WDR75: variants seen among roughly 807,000 people sequenced by gnomAD.
WDR75 encodes WD repeat-containing protein 75.
WDR75 carries 52 observed loss-of-function variants against 106.1 expected under a neutral mutation model. That is an observed-to-expected ratio of 0.49 (90% CI 0.39 to 0.62). The LOEUF (loss-of-function observed/expected upper bound fraction) is 0.62, where lower values mean the gene tolerates loss of function less well. Among genes scored for constraint, WDR75 ranks in the 20% least tolerant of loss-of-function variants. The probability of loss-of-function intolerance (pLI) is 0.00; values close to 1 mark genes in which losing one functional copy is unlikely to be tolerated. For missense variants in WDR75, 905 were observed against 970.3 expected, an observed-to-expected ratio of 0.93 and a Z score of 0.89; for synonymous variants, 333 against 335.5, an observed-to-expected ratio of 0.99 and a Z score of 0.08.
chr2:189,466,507 C>G lies in WDR75; in HGVS notation c.1372C>G (p.Gln458Glu). The change falls in exon 13 of 21, where the codon CAG (glutamine) becomes GAG (glutamate). Residue 458 changes from glutamine to glutamate, a missense_variant. Transcript: ENST00000314761. Reference protein sequence around the residue: ...LCFCNAEKSEQPTLVTASKDG... With the variant: ...LCFCNAEKSEEPTLVTASKDG... ...TTTCTGTAATGCAGAAAAATCTGAA[C>G]AGCCCACCTTGGTTACAGCTAGCAA... is the stretch of plus-strand genomic sequence containing the variant. 1 of 1,613,366 alleles carries G rather than the reference C, an allele frequency of 6.2e-7. No individual in the cohort carries two copies. The highest frequency in any genetic ancestry group is 1.1e-5 in the South Asian group (1 of 91,058).
chr2:189,449,357 C>A, intron 2 of WDR75: 3 of 1,294,030 alleles, frequency 2.3e-6, no homozygotes, highest in Non-Finnish European at 3.0e-6. Context: ...AAATGAGCTA[C>A]TTCTAAAAAT....
At position 189,451,852 on chromosome 2, in the gene WDR75, A is replaced by G. The variant is rs577871160; in HGVS notation, c.330A>G (p.Gln110=). The part of the protein sequence containing the change: ...CKLHALFTLA[Q]AEDSVFVIVN... ...TTCATGCCCTCTTTACTCTTGCCCAAGCTGAGGATTCTGTCTTTGTTATAG... is the reference window on the plus strand; with the variant it reads ...TTCATGCCCTCTTTACTCTTGCCCAGGCTGAGGATTCTGTCTTTGTTATAG... Residue 110 remains glutamine, a synonymous_variant, in exon 4 of 21, where the codon CAA becomes CAG. Transcript: ENST00000314761. 2.5e-6 allele frequency: 4 copies of G among 1,613,704 alleles called. No homozygotes were observed. Among genetic ancestry groups the G allele is most frequent in the African/African-American group, 2.7e-5 (2 of 74,922 alleles).
chr2:189,442,736 T>A (rs1686408954), intron 1 of WDR75, among the ~76,000 whole-genome samples: 1 of 152,142 alleles, frequency 6.6e-6, no homozygotes, highest in African/African-American at 2.4e-5. Flanking sequence ...AGTGAGCAAC[T>A]GTGCCCGGCC....
chr2:189,472,401 A>G (rs1329619203), intron 18 of WDR75, among the ~76,000 whole-genome samples: 1 of 152,088 alleles, frequency 6.6e-6, no homozygotes. Flanking sequence ...GGAGCTAATT[A>G]CTTCTTTCTC....
In WDR75 at chr2:189,448,517, C is replaced by A; in HGVS notation, c.216+9C>A. On this transcript the variant is annotated intron_variant, in intron 2 of 20. Transcript: ENST00000314761. Reference sequence around the variant, plus strand: ...CCAACAACCATCTACAGGTGTCAAACAGTTTATAGCTGAATACTTTAAGAC... The same window carrying A: ...CCAACAACCATCTACAGGTGTCAAAAAGTTTATAGCTGAATACTTTAAGAC... The A allele has an allele frequency of 6.2e-7, 1 of 1,611,736 alleles. No homozygotes were observed. Among genetic ancestry groups the A allele is most frequent in the Non-Finnish European group, 8.5e-7 (1 of 1,179,252 alleles).
At chr2:189,468,648 G>T in intron 15 of WDR75, 79 bp downstream of exon 15, 1 of 1,412,346 alleles carries the variant, frequency 7.1e-7, no homozygotes, top group Non-Finnish European at 1.0e-6. Context: ...TTAGGACTTA[G>T]GGATCATATC....
chr2:189,442,404 G>A (rs970966969), intron 1 of WDR75, among the ~76,000 whole-genome samples: 4 of 140,326 alleles, frequency 2.9e-5, no homozygotes, highest in African/African-American at 7.7e-5. Flanking sequence ...GAAGAGTAGA[G>A]ATAGTATTTT....
chr2:189,469,196 T>G, intron 15 of WDR75, 148 bp from the exon 16 acceptor site: 2 of 678,716 alleles, frequency 2.9e-6, no homozygotes, highest in East Asian at 2.7e-5. Flanking sequence ...CCTCTCACTT[T>G]AGTGCAGCAT....
At chr2:189,451,086 A>C (rs1686613625) in intron 3 of WDR75, 118 bp downstream of exon 3, 4 of 1,261,706 alleles carry the variant, frequency 3.2e-6, no homozygotes, top group Non-Finnish European at 4.1e-6. Context: ...AACAAGTTAC[A>C]AAATAACATC....
Position 189,474,703 on chromosome 2 carries a change from C to T in WDR75, c.2197-14C>T. 5.6e-6 allele frequency: 9 copies of T among 1,611,428 alleles called. No individual in the cohort carries two copies. The highest frequency in any genetic ancestry group is 7.6e-6 in the Non-Finnish European group (9 of 1,177,754). On this transcript the variant is annotated splice_polypyrimidine_tract_variant and intron_variant, in intron 19 of 20. Coordinates refer to ENST00000314761, the MANE Select transcript of WDR75 (RefSeq NM_032168.3). ...AGCTTTTTAATTGCAACCGTGTTTT[C>T]TGTTTGACTCCAGCTTCTTCACACT...
intron 18 of WDR75, 112 bp from the exon 19 acceptor site, chr2:189,474,074 G>A: frequency 8.5e-7 from 1 of 1,177,258 alleles, no homozygotes; most frequent in Admixed American, 2.4e-5. Flanking sequence ...TGGATAATTT[G>A]TAAAATTCCT....
intron 1 of WDR75, among the ~76,000 whole-genome samples, chr2:189,447,287 T>C (rs1384600201): frequency 6.6e-6 from 1 of 152,240 alleles, no homozygotes; most frequent in Non-Finnish European, 1.5e-5. Context: ...GTGCCCCAAG[T>C]AGCTTAACCA....
At chr2:189,442,980 T>G (rs576372575) in intron 1 of WDR75, among the ~76,000 whole-genome samples, 1 of 152,350 alleles carries the variant, frequency 6.6e-6, no homozygotes, top group Admixed American at 6.5e-5. Flanking sequence ...ACCTTATTCA[T>G]TATAATGAGG....
chr2:189,462,132 A>C (rs1686901908), intron 8 of WDR75, among the ~76,000 whole-genome samples: 1 of 151,948 alleles, frequency 6.6e-6, no homozygotes, highest in Admixed American at 6.5e-5. Context: ...ATCTGTCGTG[A>C]AATCGGCTTT....
chr2:189,462,609 G>A lies in WDR75; in HGVS notation c.904G>A (p.Gly302Arg). The change falls in exon 9 of 21, where the codon GGA (glycine) becomes AGA (arginine). Residue 302 changes from glycine (G) to arginine (R), a missense_variant. Coordinates refer to ENST00000314761, the MANE Select transcript of WDR75 (RefSeq NM_032168.3). ...TGAACATATCTCAGTCTCGCCTGCA[G>A]GAGATTTATTCTGCACTTCTCACTC... ...TIEHISVSPA[G>R]DLFCTSHSDN... The A allele has an allele frequency of 1.2e-6, 2 of 1,613,924 alleles. No individual in the cohort carries two copies. The highest frequency in any genetic ancestry group is 1.7e-6 in the Non-Finnish European group (2 of 1,179,930).
chr2:189,467,361 G>T lies in WDR75; in HGVS notation c.1448-107G>T, dbSNP rs73978664. ...AGACCTCAGTTGACCCCTAGGAACT[G>T]AAACCACAGAAAGTGAACCCTCAGA... is the stretch of plus-strand genomic sequence containing the variant. On this transcript the variant is annotated intron_variant, in intron 13 of 20. Transcript: ENST00000314761. 6.6e-5 allele frequency: 81 copies of T among 1,226,488 alleles called. No individual in the cohort carries two copies. The African/African-American group carries it at 1.2e-3, about 18-fold the overall frequency. The allele number at this position is 1,226,488 out of a possible 1,614,324, so 76.0% of individuals were successfully genotyped here.
intron 6 of WDR75, 28 bp from the exon 7 acceptor site, chr2:189,458,725 A>G: frequency 6.6e-7 from 1 of 1,516,208 alleles, no homozygotes; most frequent in Non-Finnish European, 8.9e-7. Flanking sequence ...TTTAATAATT[A>G]AGGGAATTTG....
chr2:189,453,854 T>A (rs1207038588), intron 4 of WDR75, among the ~76,000 whole-genome samples: 1 of 152,204 alleles, frequency 6.6e-6, no homozygotes, highest in African/African-American at 2.4e-5. Flanking sequence ...GACTCTCTGA[T>A]AGAAAATTGA....
chr2:189,464,974 C>G, intron 11 of WDR75, 105 bp from the exon 12 acceptor site: 1 of 872,962 alleles, frequency 1.1e-6, no homozygotes, highest in Admixed American at 2.9e-5. Flanking sequence ...CTATACAGTA[C>G]AGAAGTTGTC....
Sources: gnomAD v4.1 joint callset for allele counts (sites outside exome capture counted in the v4.1 genomes callset) on GRCh38, gnomAD v4.1.1 for gene constraint, MANE v1.5 for transcripts, NCBI Gene and HGNC (gene_info 2026-07-23, HGNC 2026-07-21) for gene names.